The following LOXHD1 variants were observed in gnomAD, a reference collection of about 807,000 sequenced individuals.
LOXHD1 encodes lipoxygenase homology domain-containing protein 1.
In LOXHD1, 205 loss-of-function variants were observed where a neutral mutation model predicts 248.2. The observed-to-expected ratio is 0.83, with a 90% CI of 0.74 to 0.93. The LOEUF (loss-of-function observed/expected upper bound fraction) is 0.93. Among genes scored for constraint, LOXHD1 ranks in the 40% least tolerant of loss-of-function variants. The probability of loss-of-function intolerance (pLI) is 0.00; values close to 1 mark genes in which losing one functional copy is unlikely to be tolerated. For missense variants in LOXHD1, 2,930 were observed against 2,971.6 expected, an observed-to-expected ratio of 0.99 and a Z score of 0.33; for synonymous variants, 1,113 against 1,162.8, an observed-to-expected ratio of 0.96 and a Z score of 0.87.
In LOXHD1 at chr18:46,546,914, G is replaced by A; in HGVS notation, c.3495C>T (p.Asn1165=). The change falls in exon 22 of 41, where the codon AAC becomes AAT. Residue 1165 remains asparagine (N), a synonymous_variant. Coordinates refer to ENST00000642948, the MANE Select transcript of LOXHD1 (RefSeq NM_001384474.1). Reference sequence around the variant, plus strand: ...GAAAACCTTTCTGCTCCAGGGCCAGGTTGTCGAGGGGGTTGTTGTCACCGC... The same window carrying A: ...GAAAACCTTTCTGCTCCAGGGCCAGATTGTCGAGGGGGTTGTTGTCACCGC... ...RGGGDNNPLD[N]LALEQKDKST... is the part of the protein sequence containing the mutation. 1.9e-6 allele frequency: 3 copies of A among 1,550,986 alleles called. No individual in the cohort carries two copies. The highest frequency in any genetic ancestry group is 2.6e-6 in the Non-Finnish European group (3 of 1,146,396).
At position 46,493,090 on chromosome 18, in the gene LOXHD1, A is replaced by G. The variant is rs151011395; in HGVS notation, c.5879-3948T>C. ...TTTTCCACTCCTCTGATTTTATTTC[A>G]TACTACTCACAACTTCACTTACTCT... On this transcript the variant is annotated intron_variant, in intron 37 of 40. Transcript: ENST00000642948. Among the ~76,000 whole-genome samples the G allele has an allele frequency of 4.7e-3, 717 of 152,298 alleles. 6 individuals are homozygous for G. The highest frequency in any genetic ancestry group is 0.016 in the African/African-American group (677 of 41,560).
intron 38 of LOXHD1, among the ~76,000 whole-genome samples, chr18:46,486,434 T>C (rs562195322): frequency 1.1e-3 from 170 of 152,236 alleles, no homozygotes; most frequent in African/African-American, 4.0e-3. Flanking sequence ...CTGAAACAAG[T>C]AGAGTGAATC....
At position 46,505,970 on chromosome 18, in the gene LOXHD1, T is replaced by C; in HGVS notation, c.5746A>G (p.Ser1916Gly). 1.3e-6 allele frequency: 2 copies of C among 1,552,244 alleles called. No homozygotes were observed. Among genetic ancestry groups the C allele is most frequent in the African/African-American group, 1.4e-5 (1 of 73,164 alleles). Residue 1916 changes from serine (S) to glycine (G), a missense_variant, in exon 37 of 41, where the codon AGT becomes GGT. Transcript: ENST00000642948. ...FIIIFGENGD[S>G]GTLALKQSAN... ...GACTGCTTCAGGGCCAGTGTCCCAC[T>C]ATCCCCGTTCTCCCCGAAGATGATG... is the stretch of plus-strand genomic sequence containing the variant.
rs570115993 is a variant in LOXHD1, at chr18:46,529,202, C to T, written c.4505G>A (p.Arg1502Gln). ...CGTTCCTCTCTCGAACTTGTTGGTC[C>T]GGTTCTCTGACTTGCCAAGGTATCG... The part of the protein sequence containing the change: ...GERYLGKSEN[R>Q]TNKFERGTAD... The change falls in exon 29 of 41, where the codon CGG (arginine) becomes CAG (glutamine). Residue 1502 changes from arginine (R) to glutamine (Q), a missense_variant. Coordinates refer to ENST00000642948, the MANE Select transcript of LOXHD1 (RefSeq NM_001384474.1). 6.6e-5 allele frequency: 102 copies of T among 1,551,548 alleles called. No homozygotes were observed. The South Asian group carries it at 7.0e-4, about 11-fold the overall frequency.
At chr18:46,570,243 G>T (rs767071759) in intron 15 of LOXHD1, among the ~76,000 whole-genome samples, 21 of 152,214 alleles carry the variant, frequency 1.4e-4, no homozygotes, top group Non-Finnish European at 2.8e-4. Context: ...TATCAGCCAG[G>T]AATGTCTGCA....
intron 29 of LOXHD1, among the ~76,000 whole-genome samples, chr18:46,526,644 T>C (rs2035843344): frequency 6.6e-6 from 1 of 152,180 alleles, no homozygotes; most frequent in African/African-American, 2.4e-5. Flanking sequence ...CATGAAGGAC[T>C]CAGGGCAGAT....
At chr18:46,592,929 C>T (rs1401490259) in intron 10 of LOXHD1, among the ~76,000 whole-genome samples, 1 of 152,132 alleles carries the variant, frequency 6.6e-6, no homozygotes, top group Admixed American at 6.5e-5. Context: ...AGCACAGGCC[C>T]ACAGCCCCAG....
chr18:46,577,586 A>G, intron 14 of LOXHD1, 121 bp downstream of exon 14: 1 of 1,165,078 alleles, frequency 8.6e-7, no homozygotes, highest in Non-Finnish European at 1.2e-6. Context: ...TCTTTCTTGC[A>G]CCAGCTATAG....
intron 4 of LOXHD1, among the ~76,000 whole-genome samples, chr18:46,619,921 C>T (rs946991162): frequency 1.3e-5 from 2 of 152,222 alleles, no homozygotes; most frequent in African/African-American, 2.4e-5. Flanking sequence ...CAGACTCCCA[C>T]ACCTCTTGCT....
chr18:46,506,145 C>G (rs1167783828), intron 36 of LOXHD1, 122 bp from the exon 37 acceptor site: 2 of 1,022,568 alleles, frequency 2.0e-6, no homozygotes, highest in East Asian at 5.3e-5. Flanking sequence ...AGTACAGACT[C>G]AAGAAGGCCA....
chr18:46,550,964 T>C (rs1449205275), intron 21 of LOXHD1, among the ~76,000 whole-genome samples: 2 of 152,184 alleles, frequency 1.3e-5, no homozygotes, highest in Admixed American at 6.5e-5. Context: ...GCTTACTCAT[T>C]GTTGTATCCA....
chr18:46,507,512 G>A lies in LOXHD1; in HGVS notation c.5692+26C>T, dbSNP rs745738210. 16 of 1,551,442 alleles carry A rather than the reference G, an allele frequency of 1.0e-5. No homozygotes were observed. The South Asian group carries it at 1.4e-4, about 14-fold the overall frequency. On this transcript the variant is annotated intron_variant, in intron 36 of 40. Transcript: ENST00000642948. ...TGACGGTTGGAGTGGTAAGGGAGCG[G>A]GAGGTGTGAGGGACCCCCGACCCAC...
rs573980389 is a variant in LOXHD1, at chr18:46,544,596, C to T, written c.3619+721G>A. Among the ~76,000 whole-genome samples, 5 of 152,324 alleles carry T rather than the reference C, an allele frequency of 3.3e-5. No homozygotes were observed. In the South Asian group the frequency reaches 1.0e-3, roughly 32 times the overall value. ...ATGTTCAACTTCATTAGACCTACAA[C>T]TCTATAAGGCACATACTAATTTTAT... is the stretch of plus-strand genomic sequence containing the variant. On this transcript the variant is annotated intron_variant, in intron 23 of 40. Coordinates refer to ENST00000642948, the MANE Select transcript of LOXHD1 (RefSeq NM_001384474.1).
chr18:46,655,601 T>C (rs1321383983), intron 1 of LOXHD1, among the ~76,000 whole-genome samples: 1 of 152,162 alleles, frequency 6.6e-6, no homozygotes, highest in Admixed American at 6.5e-5. Flanking sequence ...GATGCTTCCT[T>C]TTTCCTGGGC....
intron 37 of LOXHD1, among the ~76,000 whole-genome samples, chr18:46,493,636 C>G (rs2033641615): frequency 6.6e-6 from 1 of 152,140 alleles, no homozygotes. Context: ...GTGGCCTGTC[C>G]TAGTAGAATT....
chr18:46,607,034 C>T (rs548185318), intron 6 of LOXHD1, among the ~76,000 whole-genome samples: 7 of 151,956 alleles, frequency 4.6e-5, no homozygotes, highest in East Asian at 3.9e-4. Flanking sequence ...GGCATGGTGG[C>T]GGGCACCTGT....
chr18:46,626,540 A>T (rs1001141718), intron 4 of LOXHD1, among the ~76,000 whole-genome samples: 1 of 152,256 alleles, frequency 6.6e-6, no homozygotes, highest in African/African-American at 2.4e-5. Flanking sequence ...GCCATCTCAA[A>T]AAATAAATAA....
At chr18:46,613,599 AAAT>A in intron 5 of LOXHD1, among the ~76,000 whole-genome samples, 1 of 152,158 alleles carries the variant, frequency 6.6e-6, no homozygotes, top group Non-Finnish European at 1.5e-5. Flanking sequence ...TGAAGAATAG[AAAT>A]AATGAGTAGC....
At chr18:46,534,772 G>A (rs935797799) in intron 26 of LOXHD1, among the ~76,000 whole-genome samples, 14 of 152,202 alleles carry the variant, frequency 9.2e-5, no homozygotes, top group African/African-American at 3.1e-4. Flanking sequence ...TCCCCTGTGT[G>A]AGAACTGAAC....
Sources: allele counts gnomAD v4.1 joint callset (sites outside exome capture counted in the v4.1 genomes callset), GRCh38; gene constraint gnomAD v4.1.1; transcripts MANE v1.5; gene names NCBI Gene and HGNC (gene_info 2026-07-23, HGNC 2026-07-21).